Variants in DERA observed in about 807,000 individuals in gnomAD.
DERA encodes 2-deoxy-D-ribose 5-phosphate aldolase.
Under a neutral mutation model 41.1 loss-of-function variants are expected in DERA, and 15 were observed. The ratio of observed to expected loss-of-function variants is 0.37; its 90% CI spans 0.24 to 0.56. DERA has a LOEUF of 0.56. Among genes scored for constraint, DERA ranks in the 20% least tolerant of loss-of-function variants. The probability of loss-of-function intolerance (pLI) is 0.81; values close to 1 mark genes in which losing one functional copy is unlikely to be tolerated. For missense variants in DERA, 396 were observed against 403.4 expected (o/e 0.98, Z 0.16); for synonymous variants, 139 against 137.4 (o/e 1.01, Z -0.08).
At chr12:15,971,061 T>C (rs1344501651) in intron 5 of DERA, among the ~76,000 whole-genome samples, 1 of 152,210 alleles carries the variant, frequency 6.6e-6, no homozygotes, top group African/African-American at 2.4e-5. Flanking sequence ...CAGCCCTTTA[T>C]AGAGGTAATA....
chr12:16,036,206 G>T lies in DERA; in HGVS notation c.751-26G>T. The T allele has an allele frequency of 6.4e-7, 1 of 1,564,464 alleles. No individual in the cohort carries two copies. The highest frequency in any genetic ancestry group is 8.6e-7 in the Non-Finnish European group (1 of 1,157,038). ...AAGAAATCCAATAACAATAAAGATT[G>T]TTCTATTCTCTGCCTTCCCATTTAG... is the stretch of plus-strand genomic sequence containing the variant. On this transcript the variant is annotated intron_variant, in intron 7 of 8. Transcript: ENST00000428559. This position sits in a 1 kb window ranked among gnomAD's most constrained non-coding sequence, Gnocchi z 4.9.
chr12:16,030,431 C>G (rs1949084875), intron 6 of DERA, among the ~76,000 whole-genome samples: 1 of 152,144 alleles, frequency 6.6e-6, no homozygotes. Context: ...TTAATCTCTT[C>G]TTTTTGATTG....
At chr12:15,916,887 T>G (rs1948204298) in intron 1 of DERA, among the ~76,000 whole-genome samples, 1 of 152,198 alleles carries the variant, frequency 6.6e-6, no homozygotes, top group Non-Finnish European at 1.5e-5. Context: ...GCTGGGACTA[T>G]AGGCTGTAGT....
At chr12:16,016,890 A>G (rs1948986628) in intron 6 of DERA, among the ~76,000 whole-genome samples, 2 of 151,686 alleles carry the variant, frequency 1.3e-5, no homozygotes, top group African/African-American at 4.8e-5. Flanking sequence ...TATTTCTGGC[A>G]TTACTACAGT....
At chr12:15,916,989 T>A (rs1319760632) in intron 1 of DERA, among the ~76,000 whole-genome samples, 1 of 152,176 alleles carries the variant, frequency 6.6e-6, no homozygotes, top group Non-Finnish European at 1.5e-5. Context: ...GTGACTTTTT[T>A]GTCCCGAATT....
intron 1 of DERA, among the ~76,000 whole-genome samples, chr12:15,947,442 A>C (rs1291400875): frequency 7.2e-5 from 11 of 151,994 alleles, no homozygotes; most frequent in African/African-American, 1.9e-4. Flanking sequence ...TGTTGAATTG[A>C]TCTCTTTACC....
rs1210435047 is a variant in DERA at position 15,936,881 on chromosome 12, TTGTCTTGTCC to T, written c.32-20050_32-20041del. The stretch of plus-strand genomic sequence containing the variant: ...TTGTCTTGTCTTGTCTTGTCTTGTC[TTGTCTTGTCC>T]TGTCCTGTCCTGTCCTGTCCTGTCC... On this transcript the variant is annotated intron_variant, in intron 1 of 8. Coordinates refer to ENST00000428559, the MANE Select transcript of DERA (RefSeq NM_015954.4). The surrounding 1 kb of genome is among the most constrained non-coding windows in gnomAD (Gnocchi z 4.6). Among the ~76,000 whole-genome samples, 45 of 131,276 alleles carry T rather than the reference TTGTCTTGTCC, an allele frequency of 3.4e-4. No homozygotes were observed. Among genetic ancestry groups the T allele is most frequent in the African/African-American group, 1.6e-3 (42 of 25,456 alleles). 86.1% of individuals were successfully genotyped at this position (131,276 alleles called of 152,430 possible).
In DERA at chr12:15,981,880, A is replaced by G. The variant is rs1325916014; in HGVS notation, c.509-428A>G. On this transcript the variant is annotated intron_variant, in intron 5 of 8. Transcript: ENST00000428559. This position sits in a 1 kb window ranked among gnomAD's most constrained non-coding sequence, Gnocchi z 6.1. ...AGAAAGGTGTGCTTTATATCCAACCAAAGAACCTATTACTTGTGAATGGAA... is the reference window on the plus strand; with the variant it reads ...AGAAAGGTGTGCTTTATATCCAACCGAAGAACCTATTACTTGTGAATGGAA... Among the ~76,000 whole-genome samples the G allele has an allele frequency of 6.6e-6, 1 of 152,032 alleles. No individual in the cohort carries two copies. Among genetic ancestry groups the G allele is most frequent in the Non-Finnish European group, 1.5e-5 (1 of 68,016 alleles).
chr12:15,999,774 C>G lies in DERA; in HGVS notation c.637+17338C>G. Reference sequence around the variant, plus strand: ...TGATTGACTGAGTAACTCATTCATTCATTCATTTATTCAGTCGTTAGGATT... The same window carrying G: ...TGATTGACTGAGTAACTCATTCATTGATTCATTTATTCAGTCGTTAGGATT... On this transcript the variant is annotated intron_variant, in intron 6 of 8. Coordinates refer to ENST00000428559, the MANE Select transcript of DERA (RefSeq NM_015954.4). This position sits in a 1 kb window ranked among gnomAD's most constrained non-coding sequence, Gnocchi z 5.3. Among the ~76,000 whole-genome samples the G allele has an allele frequency of 6.6e-6, 1 of 152,098 alleles. No individual in the cohort carries two copies. The highest frequency in any genetic ancestry group is 1.5e-5 in the Non-Finnish European group (1 of 68,024).
chr12:15,988,022 G>A lies in DERA; in HGVS notation c.637+5586G>A, dbSNP rs571595577. On this transcript the variant is annotated intron_variant, in intron 6 of 8. Coordinates refer to ENST00000428559, the MANE Select transcript of DERA (RefSeq NM_015954.4). The surrounding 1 kb of genome is among the most constrained non-coding windows in gnomAD (Gnocchi z 6.0). ...ATGCGAGGCTGTGGCTGGACCAGAC[G>A]TACCACAAGCAGCTTCTGCTGTGGG... is the stretch of plus-strand genomic sequence containing the variant. Among the ~76,000 whole-genome samples, 38 of 152,276 alleles carry A rather than the reference G, an allele frequency of 2.5e-4. No homozygotes were observed. Among genetic ancestry groups the A allele is most frequent in the Admixed American group, 2.0e-3 (31 of 15,306 alleles).
intron 1 of DERA, among the ~76,000 whole-genome samples, chr12:15,927,538 T>G (rs1948296004): frequency 6.6e-6 from 1 of 152,164 alleles, no homozygotes; most frequent in African/African-American, 2.4e-5. Context: ...AAGTTAGGCA[T>G]CAGGAGTAAT....
Position 16,019,085 on chromosome 12 carries a change from A to G in DERA, c.638-13457A>G, listed in dbSNP as rs1018683323. On this transcript the variant is annotated intron_variant, in intron 6 of 8. Transcript: ENST00000428559. This position sits in a 1 kb window ranked among gnomAD's most constrained non-coding sequence, Gnocchi z 4.4. ...AGTGCTGTGTGGTGTTGGTAATTCA[A>G]AATGTAGCATTTATTTCTCTAAAGT... 2.0e-5 allele frequency among the ~76,000 whole-genome samples: 3 copies of G among 152,196 alleles called. No individual in the cohort carries two copies. Among genetic ancestry groups the G allele is most frequent in the South Asian group, 2.1e-4 (1 of 4,824 alleles).
chr12:16,037,369 G>A lies in DERA; in HGVS notation c.*623G>A, dbSNP rs1949136377. ...AATAATCCATTAAACATAAAAAGAG[G>A]TTTGATCAGTGAGTCTCTGAATCTC... On this transcript the variant is annotated 3_prime_UTR_variant, in exon 9 of 9. Coordinates refer to ENST00000428559, the MANE Select transcript of DERA (RefSeq NM_015954.4). The surrounding 1 kb of genome is among the most constrained non-coding windows in gnomAD (Gnocchi z 6.7). 1.3e-5 allele frequency: 2 copies of A among 152,026 alleles called. No homozygotes were observed. Among genetic ancestry groups the A allele is most frequent in the Admixed American group, 1.3e-4 (2 of 15,256 alleles). 9.4% of individuals were successfully genotyped at this position (152,026 alleles called of 1,614,324 possible).
chr12:16,023,476 T>C (rs1949031685), intron 6 of DERA, among the ~76,000 whole-genome samples: 1 of 131,608 alleles, frequency 7.6e-6, no homozygotes, highest in South Asian at 2.4e-4. Flanking sequence ...TCAAAGTCTT[T>C]TTTTTTTTTT....
At chr12:15,914,793 C>G (rs7953745) in intron 1 of DERA, among the ~76,000 whole-genome samples, 1 of 151,710 alleles carries the variant, frequency 6.6e-6, no homozygotes, top group Non-Finnish European at 1.5e-5. Context: ...TATTTTTTTT[C>G]GAGACAGAGT....
At chr12:15,944,509 T>C (rs934719409) in intron 1 of DERA, among the ~76,000 whole-genome samples, 22 of 152,370 alleles carry the variant, frequency 1.4e-4, no homozygotes, top group African/African-American at 5.3e-4. Flanking sequence ...ATGTGTTTTT[T>C]GGCTGCATAA....
chr12:15,983,258 T>G lies in DERA; in HGVS notation c.637+822T>G, dbSNP rs558367035. Among the ~76,000 whole-genome samples, 29 of 152,346 alleles carry G rather than the reference T, an allele frequency of 1.9e-4. 1 individual carries two copies. In the Middle Eastern group the frequency reaches 0.01, roughly 54 times the overall value. ...ATTCCTTCAGTGGTTTCCCTTCATC[T>G]TTATGGTAAAGTGTACATTCCTTGA... On this transcript the variant is annotated intron_variant, in intron 6 of 8. Transcript: ENST00000428559. The surrounding 1 kb of genome is among the most constrained non-coding windows in gnomAD (Gnocchi z 6.2).
At chr12:15,933,367 T>C (rs946641130) in intron 1 of DERA, among the ~76,000 whole-genome samples, 1 of 152,234 alleles carries the variant, frequency 6.6e-6, no homozygotes, top group Non-Finnish European at 1.5e-5. Context: ...ACTCCTTAGA[T>C]ATTGGACTTT....
At chr12:15,968,631 C>A (rs1236554338) in intron 5 of DERA, among the ~76,000 whole-genome samples, 1 of 152,244 alleles carries the variant, frequency 6.6e-6, no homozygotes, top group Non-Finnish European at 1.5e-5. Context: ...CTACCGTTTA[C>A]TCTTGGACAG....
Sources: allele counts gnomAD v4.1 joint callset (sites outside exome capture counted in the v4.1 genomes callset), GRCh38; gene constraint gnomAD v4.1.1; non-coding constraint Gnocchi (gnomAD v3.1); transcripts MANE v1.5; gene names NCBI Gene and HGNC (gene_info 2026-07-23, HGNC 2026-07-21).